The following SFMBT2 variants were observed in gnomAD, a reference collection of about 807,000 sequenced individuals.
The protein encoded by SFMBT2 is Scm like with four mbt domains 2.
A neutral mutation model predicts 110.1 loss-of-function variants in SFMBT2; 38 were observed. The observed-to-expected ratio is 0.35, with a 90% CI of 0.27 to 0.45. The LOEUF is 0.45. SFMBT2 is among the 20% of genes least tolerant of loss of function. The pLI is 1.00. For synonymous variants in SFMBT2, 425 were observed against 425.4 expected, an observed-to-expected ratio of 1.00 and a Z score of 0.01; for missense variants, 1,011 against 1,094.9, an observed-to-expected ratio of 0.92 and a Z score of 1.08.
intron 4 of SFMBT2, among the ~76,000 whole-genome samples, chr10:7,358,999 G>A (rs904159981): frequency 3.3e-5 from 5 of 152,320 alleles, no homozygotes; most frequent in Non-Finnish European, 5.9e-5. Flanking sequence ...CCAGAGCTGC[G>A]AGCACAGTGG....
chr10:7,257,832 G>A (rs1841076160), intron 7 of SFMBT2, among the ~76,000 whole-genome samples: 1 of 152,140 alleles, frequency 6.6e-6, no homozygotes, highest in Admixed American at 6.5e-5. Context: ...TGAGGCACAG[G>A]GGAGAACAAG....
At chr10:7,228,736 C>CT (rs1436104403) in intron 9 of SFMBT2, among the ~76,000 whole-genome samples, 2 of 31,572 alleles carry the variant, frequency 6.3e-5, no homozygotes, top group Non-Finnish European at 1.2e-4. Context: ...TCTTTCTTTC[C>CT]TTTCTCTCTC....
In SFMBT2 at chr10:7,264,766, A is replaced by C. The variant is rs1478457684; in HGVS notation, c.870+12126T>G. Among the ~76,000 whole-genome samples the C allele has an allele frequency of 2.0e-5, 3 of 152,226 alleles. No individual in the cohort carries two copies. In the East Asian group the frequency reaches 5.8e-4, roughly 29 times the overall value. On this transcript the variant is annotated intron_variant, in intron 7 of 20. Coordinates refer to ENST00000397167, the MANE Select transcript of SFMBT2 (RefSeq NM_001387889.1). Reference sequence around the variant, plus strand: ...AGAAAAGAATTAGCTGCCTATAAAAAAGCAGAAACCCTGGATGCCAACCGT... The same window carrying C: ...AGAAAAGAATTAGCTGCCTATAAAACAGCAGAAACCCTGGATGCCAACCGT...
chr10:7,396,811 A>C (rs1381195649), intron 1 of SFMBT2, among the ~76,000 whole-genome samples: 1 of 149,852 alleles, frequency 6.7e-6, no homozygotes, highest in Non-Finnish European at 1.5e-5. Flanking sequence ...AAAACCAAAC[A>C]CCGCATGTTC....
At chr10:7,266,182 C>T (rs1841385366) in intron 7 of SFMBT2, among the ~76,000 whole-genome samples, 2 of 151,976 alleles carry the variant, frequency 1.3e-5, no homozygotes, top group South Asian at 2.1e-4. Flanking sequence ...CTCCGCCTCC[C>T]GGGTTCAAGC....
At chr10:7,370,476 C>CT (rs139779208) in intron 2 of SFMBT2, 101 bp from the exon 3 acceptor site, 1,464 of 984,708 alleles carry the variant, frequency 1.5e-3, no homozygotes, top group Non-Finnish European at 2.1e-3. Context: ...AAGACACAAG[C>CT]TAATTCCACA....
At chr10:7,369,385 C>G (rs1423406854) in intron 3 of SFMBT2, among the ~76,000 whole-genome samples, 1 of 152,224 alleles carries the variant, frequency 6.6e-6, no homozygotes, top group Non-Finnish European at 1.5e-5. Flanking sequence ...GACCCAACTT[C>G]TTAGAACCCA....
intron 4 of SFMBT2, among the ~76,000 whole-genome samples, chr10:7,302,200 A>G (rs1842573170): frequency 6.6e-6 from 1 of 152,080 alleles, no homozygotes; most frequent in Non-Finnish European, 1.5e-5. Flanking sequence ...CTTTTTTGCC[A>G]AAGTCCCTGT....
chr10:7,214,216 G>T (rs999250673), intron 11 of SFMBT2, among the ~76,000 whole-genome samples: 5 of 152,256 alleles, frequency 3.3e-5, no homozygotes, highest in Admixed American at 2.0e-4. Context: ...AAGAGGTTAA[G>T]AAAACGTCCA....
chr10:7,353,394 A>G (rs1038852771), intron 4 of SFMBT2, among the ~76,000 whole-genome samples: 3 of 152,078 alleles, frequency 2.0e-5, no homozygotes, highest in Non-Finnish European at 2.9e-5. Context: ...CAAATATATT[A>G]CCAAAGGAAT....
Position 7,172,098 on chromosome 10 carries a change from AG to A in SFMBT2, c.2211del (p.Ser738ProfsTer93). On this transcript the variant is annotated frameshift_variant, in exon 19 of 21. Transcript: ENST00000397167. LOFTEE classifies it high-confidence loss of function. This position sits in a 1 kb window ranked among gnomAD's most constrained non-coding sequence, Gnocchi z 4.6. The stretch of plus-strand genomic sequence containing the variant: ...TCCGTCTGGTCATCCCGGAGCTCGG[AG>A]CCGGTCTCCTCACTGGCGGTGTCAT... ...MDDDTASEETGSELRDDQTDT... is the reference protein window; with the variant it reads ...MDDDTASEETXSELRDDQTDT... 6.2e-7 allele frequency: 1 copy of A among 1,605,022 alleles called. No homozygotes were observed. The highest frequency in any genetic ancestry group is 8.5e-7 in the Non-Finnish European group (1 of 1,175,102).
intron 9 of SFMBT2, chr10:7,241,170 T>A (rs1312056444): frequency 1.0e-5 from 2 of 196,052 alleles, no homozygotes; most frequent in African/African-American, 4.7e-5. Context: ...CTGCTCCTCA[T>A]TGCCTTCCAC....
intron 4 of SFMBT2, among the ~76,000 whole-genome samples, chr10:7,307,972 G>C (rs1842743536): frequency 6.6e-6 from 1 of 152,132 alleles, no homozygotes; most frequent in African/African-American, 2.4e-5. Context: ...CTGAAAATAA[G>C]ACAGCTTATT....
intron 7 of SFMBT2, among the ~76,000 whole-genome samples, chr10:7,256,278 T>A (rs1466416644): frequency 1.3e-5 from 2 of 152,184 alleles, no homozygotes; most frequent in East Asian, 3.9e-4. Context: ...AAAGGATTTT[T>A]AAAAAATCAA....
chr10:7,364,110 CAAT>C (rs919376186), intron 4 of SFMBT2, among the ~76,000 whole-genome samples: 10 of 152,180 alleles, frequency 6.6e-5, no homozygotes, highest in African/African-American at 2.4e-4. Flanking sequence ...GGCTACAAAG[CAAT>C]AATTATTCTG....
chr10:7,227,063 C>T (rs552762396), intron 10 of SFMBT2, among the ~76,000 whole-genome samples: 43 of 152,330 alleles, frequency 2.8e-4, no homozygotes, highest in Non-Finnish European at 5.3e-4. Flanking sequence ...CACACACACT[C>T]ATTGCCACTT....
chr10:7,390,973 G>T (rs1845746466), intron 1 of SFMBT2, among the ~76,000 whole-genome samples: 1 of 151,916 alleles, frequency 6.6e-6, no homozygotes, highest in South Asian at 2.1e-4. Context: ...GGTGGCACGT[G>T]TCTGTCATCC....
At chr10:7,320,004 G>C (rs1249794581) in intron 4 of SFMBT2, among the ~76,000 whole-genome samples, 1 of 151,580 alleles carries the variant, frequency 6.6e-6, no homozygotes, top group Non-Finnish European at 1.5e-5. Context: ...CAGAGAGGGA[G>C]ACAGAGAAGG....
chr10:7,186,748 G>C (rs933996926), intron 16 of SFMBT2, among the ~76,000 whole-genome samples: 4 of 152,150 alleles, frequency 2.6e-5, no homozygotes, highest in African/African-American at 9.7e-5. Flanking sequence ...TAGCAAAGTT[G>C]TCAAGATCTA....
Sources: gnomAD v4.1 joint callset for allele counts (sites outside exome capture counted in the v4.1 genomes callset) on GRCh38, gnomAD v4.1.1 for gene constraint, Gnocchi (gnomAD v3.1) non-coding constraint, MANE v1.5 for transcripts, NCBI Gene and HGNC (gene_info 2026-07-23, HGNC 2026-07-21) for gene names.